Variants in DPP10 observed in about 807,000 individuals in gnomAD.
DPP10 encodes the protein inactive dipeptidyl peptidase 10.
A neutral mutation model predicts 120.9 loss-of-function variants in DPP10; 33 were observed. That is an observed-to-expected ratio of 0.27 (90% CI 0.21 to 0.37). The LOEUF (loss-of-function observed/expected upper bound fraction) is 0.37, where lower values mean the gene tolerates loss of function less well. Ranked by LOEUF, DPP10 falls within the 10% of genes least tolerant of loss-of-function variation. The pLI is 1.00. For synonymous variants in DPP10, 337 were observed against 326.1 expected (o/e 1.03, Z -0.36); for missense variants, 816 against 942.8 (o/e 0.87, Z 1.76).
At chr2:114,588,255 A>G (rs1193283448) in intron 1 of DPP10, among the ~76,000 whole-genome samples, 2 of 152,250 alleles carry the variant, frequency 1.3e-5, no homozygotes, top group African/African-American at 2.4e-5. Context: ...TCATGACATC[A>G]TTAGTATTTG....
intron 1 of DPP10, among the ~76,000 whole-genome samples, chr2:115,107,171 A>C (rs1391427146): frequency 1.3e-5 from 2 of 151,980 alleles, no homozygotes; most frequent in South Asian, 4.1e-4. Context: ...TAAAAGAGAT[A>C]TTTAAGAGAC....
chr2:115,261,093 T>G (rs1044424670), intron 1 of DPP10, among the ~76,000 whole-genome samples: 4 of 152,118 alleles, frequency 2.6e-5, no homozygotes, highest in African/African-American at 7.2e-5. Context: ...AATATAATTA[T>G]GAGGAGGAGC....
intron 1 of DPP10, chr2:114,835,209 ATATATAGGACATATCTACACACCTATGTG>A (rs1404360046): frequency 1.3e-5 from 2 of 150,662 alleles, no homozygotes; most frequent in East Asian, 1.9e-4. Flanking sequence ...ATACCTATGT[ATATATAGGACATATCTACACACCTATGTG>A]TATATAGGAC....
At chr2:114,834,340 T>G (rs1224948999) in intron 1 of DPP10, among the ~76,000 whole-genome samples, 1 of 151,596 alleles carries the variant, frequency 6.6e-6, no homozygotes, top group Non-Finnish European at 1.5e-5. Flanking sequence ...CCTATGTATA[T>G]AAAAGACATG....
Position 114,596,705 on chromosome 2 carries a change from A to T in DPP10, c.60+153867A>T, listed in dbSNP as rs937336285. Reference sequence around the variant, plus strand: ...TTATCCTGCATAGTATTGTTACTCCATTTTTTTTTCCTAATGATAAAACTG... The same window carrying T: ...TTATCCTGCATAGTATTGTTACTCCTTTTTTTTTTCCTAATGATAAAACTG... On this transcript the variant is annotated intron_variant, in intron 1 of 25. Transcript: ENST00000410059. Among the ~76,000 whole-genome samples the T allele has an allele frequency of 3.4e-4, 52 of 151,072 alleles. 1 individual carries two copies. The highest frequency in any genetic ancestry group is 1.9e-3 in the Admixed American group (28 of 15,090).
At chr2:114,774,010 G>A (rs1036890710) in intron 1 of DPP10, among the ~76,000 whole-genome samples, 1 of 151,842 alleles carries the variant, frequency 6.6e-6, no homozygotes, top group African/African-American at 2.4e-5. Flanking sequence ...ATAGGTATGT[G>A]TATGTATATA....
chr2:115,416,469 T>A (rs1442472162), intron 3 of DPP10, among the ~76,000 whole-genome samples: 1 of 152,098 alleles, frequency 6.6e-6, no homozygotes, highest in African/African-American at 2.4e-5. Flanking sequence ...ACAGCATGAC[T>A]AAGTCTAGCC....
intron 1 of DPP10, among the ~76,000 whole-genome samples, chr2:114,879,695 T>G (rs1204461809): frequency 6.6e-6 from 1 of 151,494 alleles, no homozygotes; most frequent in Non-Finnish European, 1.5e-5. Context: ...GACAGAAAAT[T>G]GAAAGAAAAA....
chr2:114,571,116 T>C (rs1331185610), intron 1 of DPP10, among the ~76,000 whole-genome samples: 1 of 152,088 alleles, frequency 6.6e-6, no homozygotes, highest in African/African-American at 2.4e-5. Flanking sequence ...TTTGTTTGGA[T>C]TCGTGCCCCC....
chr2:115,505,617 C>T (rs894211538), intron 4 of DPP10, among the ~76,000 whole-genome samples: 1 of 152,076 alleles, frequency 6.6e-6, no homozygotes, highest in African/African-American at 2.4e-5. Context: ...CTAGTTTAAA[C>T]ATTTGATGGA....
intron 5 of DPP10, among the ~76,000 whole-genome samples, chr2:115,619,241 C>A (rs866258052): frequency 6.7e-5 from 10 of 150,180 alleles, no homozygotes; most frequent in Admixed American, 5.3e-4. Flanking sequence ...CCACGTCTGG[C>A]TAATTTTGTA....
At chr2:115,122,018 A>T (rs531574623) in intron 1 of DPP10, among the ~76,000 whole-genome samples, 4 of 152,326 alleles carry the variant, frequency 2.6e-5, no homozygotes, top group African/African-American at 7.2e-5. Flanking sequence ...AGACGCAATT[A>T]ACTATATGTG....
intron 5 of DPP10, among the ~76,000 whole-genome samples, chr2:115,571,693 C>A (rs1241517221): frequency 6.0e-5 from 7 of 117,030 alleles, no homozygotes; most frequent in Admixed American, 1.1e-4. Flanking sequence ...GTTGTTGTTC[C>A]TTTTTTTTTT....
At chr2:114,849,606 C>T (rs570824533) in intron 1 of DPP10, among the ~76,000 whole-genome samples, 5 of 152,242 alleles carry the variant, frequency 3.3e-5, no homozygotes, top group Middle Eastern at 3.4e-3. Flanking sequence ...CCCACTTTGG[C>T]GTCCCAAAGT....
intron 1 of DPP10, among the ~76,000 whole-genome samples, chr2:115,153,688 G>A (rs2051713415): frequency 6.6e-6 from 1 of 152,068 alleles, no homozygotes; most frequent in African/African-American, 2.4e-5. Context: ...TGCCAAGCCT[G>A]ATTTTACCTT....
At chr2:114,741,292 G>C (rs1678036519) in intron 1 of DPP10, among the ~76,000 whole-genome samples, 1 of 152,160 alleles carries the variant, frequency 6.6e-6, no homozygotes, top group Admixed American at 6.5e-5. Context: ...TAAATAATGT[G>C]AGTTTCTTTC....
At chr2:115,007,152 G>A (rs979410614) in intron 1 of DPP10, among the ~76,000 whole-genome samples, 2 of 152,148 alleles carry the variant, frequency 1.3e-5, no homozygotes, top group African/African-American at 4.8e-5. Flanking sequence ...CATCCTTGAT[G>A]AACATTGATG....
intron 1 of DPP10, among the ~76,000 whole-genome samples, chr2:114,599,965 CTT>C (rs1480318956): frequency 2.0e-5 from 3 of 149,796 alleles, no homozygotes; most frequent in African/African-American, 7.4e-5. Context: ...ATAAATTTGT[CTT>C]TTGTTTTTAG....
intron 3 of DPP10, among the ~76,000 whole-genome samples, chr2:115,455,788 C>A (rs139933740): frequency 7.0e-4 from 106 of 152,228 alleles, no homozygotes; most frequent in African/African-American, 2.3e-3. Context: ...AAGTGGATCA[C>A]TTCCTTTCAC....
Sources: allele counts gnomAD v4.1 joint callset (sites outside exome capture counted in the v4.1 genomes callset), GRCh38; gene constraint gnomAD v4.1.1; transcripts MANE v1.5; gene names NCBI Gene and HGNC (gene_info 2026-07-23, HGNC 2026-07-21).